The following ADGRL3 variants were observed in gnomAD, a reference collection of about 807,000 sequenced individuals.
ADGRL3 encodes the protein adhesion G protein-coupled receptor L3, also known as calcium-independent alpha-latrotoxin receptor 3.
In ADGRL3, 62 loss-of-function variants were observed where a neutral mutation model predicts 153.5. The observed-to-expected ratio is 0.40, with a 90% CI of 0.33 to 0.50. The LOEUF is 0.50. ADGRL3 is among the 20% of genes least tolerant of loss of function. The pLI, the probability that ADGRL3 is intolerant of heterozygous loss-of-function variation, is 0.47. For synonymous variants in ADGRL3, 710 were observed against 672.5 expected (o/e 1.06, Z -0.86); for missense variants, 1,641 against 1,859.4 (o/e 0.88, Z 2.16).
chr4:61,522,827 G>A (rs1328510829), intron 4 of ADGRL3, among the ~76,000 whole-genome samples: 5 of 152,036 alleles, frequency 3.3e-5, no homozygotes, highest in Non-Finnish European at 1.5e-5. Context: ...CCACATGGAG[G>A]TTGCGTCAAT....
chr4:61,965,888 T>C (rs2099004783), intron 17 of ADGRL3, among the ~76,000 whole-genome samples: 1 of 152,228 alleles, frequency 6.6e-6, no homozygotes, highest in Non-Finnish European at 1.5e-5. Flanking sequence ...TTTAAAGATC[T>C]CCTATAGTTA....
In ADGRL3 at chr4:61,909,529, CTT is replaced by C. The variant is rs2098712177; in HGVS notation, c.1888-29_1888-28del. ...CAATAAAAGTATTTATGTGAGATCT[CTT>C]TCCTTTGTATTCCATTTAAAAATTA... On this transcript the variant is annotated intron_variant, in intron 11 of 26. Transcript: ENST00000683033. The C allele has an allele frequency of 2.0e-6, 3 of 1,506,228 alleles. No homozygotes were observed. The African/African-American group carries it at 4.1e-5, about 21-fold the overall frequency. The allele number at this position is 1,506,228 out of a possible 1,614,324, so 93.3% of individuals were successfully genotyped here.
chr4:61,718,835 G>T (rs1179233013), intron 6 of ADGRL3, among the ~76,000 whole-genome samples: 3 of 152,168 alleles, frequency 2.0e-5, no homozygotes, highest in African/African-American at 7.2e-5. Flanking sequence ...TATAAAGTAT[G>T]TTGACAGTGG....
chr4:61,358,344 G>T (rs200344343), intron 1 of ADGRL3, among the ~76,000 whole-genome samples: 3,231 of 151,982 alleles, frequency 0.021, 86 homozygotes, highest in South Asian at 0.082. Context: ...ACGCCTGTAA[G>T]TCCAGCACTT....
At chr4:61,594,948 C>T (rs2149445016) in intron 5 of ADGRL3, among the ~76,000 whole-genome samples, 1 of 152,148 alleles carries the variant, frequency 6.6e-6, no homozygotes, top group East Asian at 1.9e-4. Context: ...CTTGTGGCTC[C>T]CACCACTACT....
At chr4:61,711,491 T>C (rs201098357) in intron 6 of ADGRL3, among the ~76,000 whole-genome samples, 5,011 of 89,170 alleles carry the variant, frequency 0.056, 627 homozygotes, top group African/African-American at 0.18. Context: ...TATATATATA[T>C]ACACACACAC....
chr4:61,835,350 A>AAAAAAAAAAT, intron 9 of ADGRL3, among the ~76,000 whole-genome samples: 1 of 147,236 alleles, frequency 6.8e-6, no homozygotes, highest in Non-Finnish European at 1.5e-5. Flanking sequence ...AAAAAAAAAA[A>AAAAAAAAAAT]AAAAAAAAAA....
intron 6 of ADGRL3, among the ~76,000 whole-genome samples, chr4:61,699,606 A>G (rs1400794126): frequency 6.6e-6 from 1 of 152,098 alleles, no homozygotes; most frequent in Non-Finnish European, 1.5e-5. Flanking sequence ...AGAATGTGAA[A>G]TTGGGGATAT....
At chr4:61,378,912 G>A (rs2096635976) in intron 1 of ADGRL3, among the ~76,000 whole-genome samples, 1 of 151,918 alleles carries the variant, frequency 6.6e-6, no homozygotes, top group South Asian at 2.1e-4. Context: ...GCAGGTGGTT[G>A]AACGAAGTAC....
At chr4:61,346,759 G>T (rs945584431) in intron 1 of ADGRL3, among the ~76,000 whole-genome samples, 3 of 147,134 alleles carry the variant, frequency 2.0e-5, no homozygotes, top group African/African-American at 5.1e-5. Context: ...CTCCAGCCTG[G>T]GCATCAAAGC....
At chr4:61,742,316 T>C (rs1305351046) in intron 8 of ADGRL3, among the ~76,000 whole-genome samples, 1 of 152,168 alleles carries the variant, frequency 6.6e-6, no homozygotes, top group Admixed American at 6.6e-5. Context: ...TCTCACTCTG[T>C]TGCCCAGGCT....
chr4:62,064,122 T>G (rs1020065356), intron 25 of ADGRL3, among the ~76,000 whole-genome samples: 5 of 152,034 alleles, frequency 3.3e-5, no homozygotes, highest in Admixed American at 3.3e-4. Flanking sequence ...CTGGGGAGAA[T>G]TACATTGAAC....
At chr4:61,551,439 C>A (rs1438964272) in intron 4 of ADGRL3, among the ~76,000 whole-genome samples, 2 of 152,034 alleles carry the variant, frequency 1.3e-5, no homozygotes, top group Non-Finnish European at 2.9e-5. Flanking sequence ...GATTATTTTT[C>A]TCATACATCA....
intron 1 of ADGRL3, among the ~76,000 whole-genome samples, chr4:61,245,162 C>A (rs1463953327): frequency 6.6e-6 from 1 of 151,996 alleles, no homozygotes; most frequent in East Asian, 1.9e-4. Flanking sequence ...GCTTCCATTG[C>A]CAGACTGTCA....
intron 1 of ADGRL3, among the ~76,000 whole-genome samples, chr4:61,377,051 C>T (rs972109629): frequency 1.1e-4 from 17 of 152,116 alleles, no homozygotes; most frequent in African/African-American, 4.1e-4. Context: ...TGCCCTATTC[C>T]TAGCTGTTAC....
intron 8 of ADGRL3, among the ~76,000 whole-genome samples, chr4:61,747,762 G>T: frequency 6.7e-6 from 1 of 149,798 alleles, no homozygotes; most frequent in Non-Finnish European, 1.5e-5. Flanking sequence ...TACTGAATGG[G>T]CAAAAACTGG....
intron 2 of ADGRL3, among the ~76,000 whole-genome samples, chr4:61,398,883 C>CA (rs1159509564): frequency 2.0e-5 from 3 of 151,454 alleles, no homozygotes; most frequent in Admixed American, 2.0e-4. Flanking sequence ...TTTATGTGTA[C>CA]TTTTTCTCCT....
At chr4:61,996,229 C>T in intron 19 of ADGRL3, 62 bp from the exon 20 acceptor site, 2 of 1,035,834 alleles carry the variant, frequency 1.9e-6, no homozygotes, top group East Asian at 4.8e-5. Flanking sequence ...CACAGGTTCA[C>T]TCTTGATGTA....
At chr4:61,447,214 T>C (rs764195386) in intron 2 of ADGRL3, among the ~76,000 whole-genome samples, 5 of 152,190 alleles carry the variant, frequency 3.3e-5, no homozygotes, top group Admixed American at 1.3e-4. Flanking sequence ...TTTTACATCA[T>C]TTTTGTTTGT....
Sources: allele counts gnomAD v4.1 joint callset (sites outside exome capture counted in the v4.1 genomes callset), GRCh38; gene constraint gnomAD v4.1.1; transcripts MANE v1.5; gene names NCBI Gene and HGNC (gene_info 2026-07-23, HGNC 2026-07-21).